Variants in RABEP1 observed in about 807,000 individuals in gnomAD.
RABEP1 encodes rabaptin, RAB GTPase binding effector protein 1, also known as rab GTPase-binding effector protein 1.
RABEP1 carries 51 observed loss-of-function variants against 123.4 expected under a neutral mutation model. The ratio of observed to expected loss-of-function variants is 0.41; its 90% CI spans 0.33 to 0.52. The LOEUF is 0.52. RABEP1 is among the 20% of genes least tolerant of loss of function. The probability of loss-of-function intolerance (pLI) is 0.16; values close to 1 mark genes in which losing one functional copy is unlikely to be tolerated. For synonymous variants in RABEP1, 347 were observed against 355.2 expected, an observed-to-expected ratio of 0.98 and a Z score of 0.26; for missense variants, 888 against 996.3, an observed-to-expected ratio of 0.89 and a Z score of 1.46.
chr17:5,292,593 A>T (rs1419453516), intron 1 of RABEP1, among the ~76,000 whole-genome samples: 1 of 152,120 alleles, frequency 6.6e-6, no homozygotes, highest in African/African-American at 2.4e-5. Context: ...CATGTTGATC[A>T]GGCTGGTCTG....
intron 17 of RABEP1, 45 bp from the exon 18 acceptor site, chr17:5,383,077 T>C (rs1911629758): frequency 6.4e-7 from 1 of 1,553,764 alleles, no homozygotes. Flanking sequence ...GTTCAGAAAA[T>C]CTAGGCAGGA....
chr17:5,338,627 G>A (rs1907309081), intron 5 of RABEP1, among the ~76,000 whole-genome samples: 1 of 152,102 alleles, frequency 6.6e-6, no homozygotes, highest in Non-Finnish European at 1.5e-5. Flanking sequence ...TGCTCTTATG[G>A]ACATTTAAAA....
At position 5,380,404 on chromosome 17, in the gene RABEP1, G is replaced by A. The variant is rs1394528654; in HGVS notation, c.2312G>A (p.Ser771Asn). 5 of 1,574,546 alleles carry A rather than the reference G, an allele frequency of 3.2e-6. No individual in the cohort carries two copies. The highest frequency in any genetic ancestry group is 1.2e-5 in the South Asian group (1 of 85,542). Residue 771 changes from serine (S) to asparagine (N), a missense_variant, in exon 16 of 18, where the codon AGT becomes AAT. Transcript: ENST00000537505. ...TLREKSQQLESLQEIKISLEE... is the reference protein window; with the variant it reads ...TLREKSQQLENLQEIKISLEE... ...AGAGAGAAGTCTCAACAGCTTGAGA[G>A]TCTTCAGGAAATAAAGATCAGTTTG...
rs1454622344 is a variant in RABEP1 at position 5,293,883 on chromosome 17, A to G, written c.34+11363A>G. 2.0e-5 allele frequency among the ~76,000 whole-genome samples: 3 copies of G among 152,026 alleles called. No homozygotes were observed. The East Asian group carries it at 5.8e-4, about 29-fold the overall frequency. On this transcript the variant is annotated intron_variant, in intron 1 of 17. Transcript: ENST00000537505. ...ACAGTGGCCAATTTTTTTCTACATC[A>G]TTTCAATTATTAAGTTGTTTCTATG... is the stretch of plus-strand genomic sequence containing the variant.
chr17:5,380,061 C>T (rs1911322954), intron 15 of RABEP1, among the ~76,000 whole-genome samples: 2 of 152,210 alleles, frequency 1.3e-5, no homozygotes, highest in South Asian at 2.1e-4. Context: ...GTCATCTCCT[C>T]TAGGAAGTCC....
At chr17:5,287,478 A>C (rs2074989825) in intron 1 of RABEP1, among the ~76,000 whole-genome samples, 1 of 151,748 alleles carries the variant, frequency 6.6e-6, no homozygotes, top group Non-Finnish European at 1.5e-5. Flanking sequence ...ACGCGCCTGT[A>C]ATCCCAGCTA....
intron 1 of RABEP1, among the ~76,000 whole-genome samples, chr17:5,284,388 T>C (rs1271949256): frequency 6.6e-6 from 1 of 152,176 alleles, no homozygotes; most frequent in Non-Finnish European, 1.5e-5. Flanking sequence ...ATGGCTACTT[T>C]TTACAGTAGG....
At chr17:5,294,028 CA>C (rs890656052) in intron 1 of RABEP1, among the ~76,000 whole-genome samples, 2 of 151,906 alleles carry the variant, frequency 1.3e-5, no homozygotes, top group Middle Eastern at 6.8e-3. Context: ...TAAGAAAATG[CA>C]AAAAAAGTGT....
chr17:5,299,839 C>T (rs1007511206), intron 1 of RABEP1, among the ~76,000 whole-genome samples: 18 of 148,412 alleles, frequency 1.2e-4, no homozygotes, highest in Admixed American at 1.2e-3. Flanking sequence ...AAGCGATTCT[C>T]CTGCCTCAGC....
chr17:5,337,535 A>AT (rs1422471661), intron 4 of RABEP1, among the ~76,000 whole-genome samples: 1 of 143,172 alleles, frequency 7.0e-6, no homozygotes, highest in African/African-American at 2.6e-5. Flanking sequence ...AATAATAATA[A>AT]AAAAAAAATT....
In RABEP1 at chr17:5,383,176, C is replaced by A. The variant is rs754126215; in HGVS notation, c.2542C>A (p.Leu848Met). ...CTCCTTGGAGAGAATCCGGGCAATTCTGAATGATACTAAACTGACAGACAT... is the reference window on the plus strand; with the variant it reads ...CTCCTTGGAGAGAATCCGGGCAATTATGAATGATACTAAACTGACAGACAT... The part of the protein sequence containing the change: ...ADSLERIRAI[L>M]NDTKLTDINQ... The change falls in exon 18 of 18, where the codon CTG becomes ATG. Residue 848 changes from leucine to methionine, a missense_variant. Transcript: ENST00000537505. The A allele has an allele frequency of 6.2e-7, 1 of 1,614,134 alleles. No individual in the cohort carries two copies. The highest frequency in any genetic ancestry group is 2.2e-5 in the East Asian group (1 of 44,886).
intron 1 of RABEP1, among the ~76,000 whole-genome samples, chr17:5,291,323 T>C (rs1179766255): frequency 1.3e-5 from 2 of 152,058 alleles, no homozygotes; most frequent in African/African-American, 2.4e-5. Context: ...GGCAGGAGAA[T>C]TGCTTGAGCC....
At chr17:5,381,787 C>T (rs1368668505) in intron 17 of RABEP1, 5 of 257,698 alleles carry the variant, frequency 1.9e-5, no homozygotes, top group African/African-American at 1.1e-4. Flanking sequence ...CCAGGCCCAC[C>T]CCTGTATTTT....
chr17:5,282,825 G>A (rs1391200580), intron 1 of RABEP1, among the ~76,000 whole-genome samples: 2 of 151,760 alleles, frequency 1.3e-5, no homozygotes, highest in African/African-American at 2.4e-5. Flanking sequence ...GGTAGCGGGG[G>A]ACCGGCACGT....
chr17:5,304,139 TTC>T (rs1389618111), intron 1 of RABEP1, among the ~76,000 whole-genome samples: 1 of 152,222 alleles, frequency 6.6e-6, no homozygotes, highest in Non-Finnish European at 1.5e-5. Flanking sequence ...TTATTGCGTG[TTC>T]TCTTGTTTAT....
chr17:5,297,420 C>G (rs1251893762), intron 1 of RABEP1, among the ~76,000 whole-genome samples: 1 of 152,182 alleles, frequency 6.6e-6, no homozygotes, highest in Non-Finnish European at 1.5e-5. Flanking sequence ...GGTGGTATTA[C>G]ACCGTTTACA....
chr17:5,371,197 A>T (rs1055316841), intron 12 of RABEP1: 4 of 151,968 alleles, frequency 2.6e-5, no homozygotes, highest in Non-Finnish European at 5.9e-5. Context: ...CGATCTCCTG[A>T]CCTCGTGATC....
chr17:5,379,518 T>C (rs1042806262), intron 15 of RABEP1, among the ~76,000 whole-genome samples: 25 of 152,284 alleles, frequency 1.6e-4, no homozygotes, highest in African/African-American at 5.8e-4. Context: ...TTGATCATCA[T>C]CACTGCCTGA....
At chr17:5,289,480 C>G (rs1597323526) in intron 1 of RABEP1, among the ~76,000 whole-genome samples, 2 of 150,204 alleles carry the variant, frequency 1.3e-5, no homozygotes, top group Non-Finnish European at 3.0e-5. Context: ...GGAAGACCTC[C>G]CCAACTCTCA....
Sources: allele counts gnomAD v4.1 joint callset (sites outside exome capture counted in the v4.1 genomes callset), GRCh38; gene constraint gnomAD v4.1.1; transcripts MANE v1.5; gene names NCBI Gene and HGNC (gene_info 2026-07-23, HGNC 2026-07-21).